Variants in ASIC2 observed in about 807,000 individuals in gnomAD.
The protein encoded by ASIC2 is acid-sensing ion channel 2.
In ASIC2, 25 loss-of-function variants were observed where a neutral mutation model predicts 57.3. The observed-to-expected ratio is 0.44, with a 90% CI of 0.32 to 0.61. The LOEUF (loss-of-function observed/expected upper bound fraction) is 0.61. Among genes scored for constraint, ASIC2 ranks in the 20% least tolerant of loss-of-function variants. The probability of loss-of-function intolerance (pLI) is 0.06; values close to 1 mark genes in which losing one functional copy is unlikely to be tolerated. For missense variants in ASIC2, 641 were observed against 738.1 expected, an observed-to-expected ratio of 0.87 and a Z score of 1.52; for synonymous variants, 319 against 307.5, an observed-to-expected ratio of 1.04 and a Z score of -0.39.
intron 3 of ASIC2, among the ~76,000 whole-genome samples, chr17:33,087,581 T>TTTTTC (rs1424034005): frequency 9.8e-5 from 14 of 143,582 alleles, no homozygotes; most frequent in Admixed American, 9.6e-4. Flanking sequence ...CAGTGTTTTT[T>TTTTTC]TTTTTTTTTT....
chr17:33,894,350 C>CGTGTGTGTGTGT (rs201934419), intron 1 of ASIC2, among the ~76,000 whole-genome samples: 2 of 138,522 alleles, frequency 1.4e-5, no homozygotes, highest in Non-Finnish European at 3.2e-5. Flanking sequence ...TGCGTGCGTG[C>CGTGTGTGTGTGT]GTGTGTGTGT....
chr17:34,105,217 T>C (rs560426766), intron 1 of ASIC2, among the ~76,000 whole-genome samples: 59 of 152,104 alleles, frequency 3.9e-4, no homozygotes, highest in South Asian at 3.1e-3. Context: ...TTCATCTGAA[T>C]TGTAGCATTT....
chr17:33,605,563 T>C (rs560945371), intron 1 of ASIC2, among the ~76,000 whole-genome samples: 1 of 152,322 alleles, frequency 6.6e-6, no homozygotes, highest in Non-Finnish European at 1.5e-5. Flanking sequence ...GTAATTAACA[T>C]GCTTTATGCT....
At chr17:33,642,825 G>A (rs1205703199) in intron 1 of ASIC2, among the ~76,000 whole-genome samples, 2 of 152,202 alleles carry the variant, frequency 1.3e-5, no homozygotes, top group African/African-American at 2.4e-5. Context: ...GAAATGCCAA[G>A]CACCTTCATT....
chr17:33,334,035 T>C (rs1907418825), intron 1 of ASIC2, among the ~76,000 whole-genome samples: 1 of 152,224 alleles, frequency 6.6e-6, no homozygotes, highest in African/African-American at 2.4e-5. Context: ...AGGAAGGGAC[T>C]GGACAAGGAA....
intron 1 of ASIC2, among the ~76,000 whole-genome samples, chr17:33,355,362 A>G (rs1157066761): frequency 6.6e-6 from 1 of 152,210 alleles, no homozygotes; most frequent in Non-Finnish European, 1.5e-5. Context: ...GCCCATGTAC[A>G]GGAATGTGAG....
intron 1 of ASIC2, among the ~76,000 whole-genome samples, chr17:34,133,568 C>T (rs1371288478): frequency 6.6e-6 from 1 of 152,244 alleles, no homozygotes; most frequent in Non-Finnish European, 1.5e-5. Context: ...ACCAGTGATG[C>T]CAATGAGCCT....
At chr17:33,102,098 G>T (rs1862910118) in intron 2 of ASIC2, among the ~76,000 whole-genome samples, 3 of 152,096 alleles carry the variant, frequency 2.0e-5, no homozygotes, top group Admixed American at 2.0e-4. Context: ...TCCTCATCAG[G>T]AAATTCTCTT....
At chr17:33,810,249 C>T (rs770300415) in intron 1 of ASIC2, among the ~76,000 whole-genome samples, 7 of 152,130 alleles carry the variant, frequency 4.6e-5, no homozygotes, top group African/African-American at 1.4e-4. Flanking sequence ...AATGTCTTAA[C>T]GTTTTAGGGA....
chr17:34,104,560 G>A (rs1910976714), intron 1 of ASIC2, among the ~76,000 whole-genome samples: 1 of 151,840 alleles, frequency 6.6e-6, no homozygotes, highest in Admixed American at 6.6e-5. Context: ...AAGCATTCAG[G>A]GCTTCCCCAT....
At chr17:33,756,804 T>C (rs1295910271) in intron 1 of ASIC2, among the ~76,000 whole-genome samples, 1 of 152,228 alleles carries the variant, frequency 6.6e-6, no homozygotes, top group African/African-American at 2.4e-5. Flanking sequence ...TGGAAGATGC[T>C]GTATTGGTTT....
At chr17:33,105,929 G>A (rs983136923) in intron 2 of ASIC2, among the ~76,000 whole-genome samples, 3 of 152,194 alleles carry the variant, frequency 2.0e-5, no homozygotes, top group African/African-American at 7.2e-5. Context: ...TAGAGTATCT[G>A]GTGGAAGAAA....
intron 1 of ASIC2, among the ~76,000 whole-genome samples, chr17:34,007,249 G>C (rs1450821384): frequency 6.6e-6 from 1 of 152,290 alleles, no homozygotes; most frequent in Non-Finnish European, 1.5e-5. Flanking sequence ...TTGTCAAAAA[G>C]GGCAACTCCC....
intron 2 of ASIC2, among the ~76,000 whole-genome samples, chr17:33,092,692 C>T (rs1219797066): frequency 1.3e-5 from 2 of 152,188 alleles, no homozygotes; most frequent in African/African-American, 4.8e-5. Context: ...AGCCAGGTCT[C>T]CTGAGTTCTA....
At chr17:33,265,458 T>A (rs931209676) in intron 1 of ASIC2, among the ~76,000 whole-genome samples, 2 of 152,066 alleles carry the variant, frequency 1.3e-5, no homozygotes, top group East Asian at 3.9e-4. Context: ...AGCTGAACAA[T>A]GAGAACACAT....
In ASIC2 at chr17:34,114,374, A is replaced by G. The variant is rs77374390; in HGVS notation, c.555+41604T>C. Among the ~76,000 whole-genome samples, 351 of 152,312 alleles carry G rather than the reference A, an allele frequency of 2.3e-3. 2 individuals are homozygous for G. Among genetic ancestry groups the G allele is most frequent in the African/African-American group, 8.1e-3 (336 of 41,574 alleles). On this transcript the variant is annotated intron_variant, in intron 1 of 9. Coordinates refer to the ASIC2 transcript ENST00000359872. ...TCTGTCCCACACTCTAAAACCAAGC[A>G]GGTGGCTCTGGGAAGGTCTGTGAGG...
intron 1 of ASIC2, among the ~76,000 whole-genome samples, chr17:33,157,773 T>C (rs1249723948): frequency 6.6e-6 from 1 of 152,240 alleles, no homozygotes; most frequent in Non-Finnish European, 1.5e-5. Context: ...GCACAGCAGC[T>C]GGAGTGCTAA....
chr17:33,072,054 G>C (rs1284975165), intron 3 of ASIC2, among the ~76,000 whole-genome samples: 1 of 152,088 alleles, frequency 6.6e-6, no homozygotes, highest in Non-Finnish European at 1.5e-5. Context: ...CTGTCTCTGT[G>C]AAGTCCTCTC....
At chr17:33,061,003 ATTGAT>A (rs1434968746) in intron 3 of ASIC2, among the ~76,000 whole-genome samples, 3 of 152,138 alleles carry the variant, frequency 2.0e-5, no homozygotes, top group African/African-American at 7.2e-5. Context: ...ATTTTTGCAT[ATTGAT>A]TTTGTATCCT....
Sources: allele counts gnomAD v4.1 joint callset (sites outside exome capture counted in the v4.1 genomes callset), GRCh38; gene constraint gnomAD v4.1.1; transcripts MANE v1.5; gene names NCBI Gene and HGNC (gene_info 2026-07-23, HGNC 2026-07-21).